HGSNAT: variants seen among roughly 807,000 people sequenced by gnomAD.
The protein encoded by HGSNAT is transmembrane protein 76.
HGSNAT carries 59 observed loss-of-function variants against 85.2 expected under a neutral mutation model. The observed-to-expected ratio is 0.69, with a 90% CI of 0.56 to 0.86. The LOEUF (loss-of-function observed/expected upper bound fraction) is 0.86, where lower values mean the gene tolerates loss of function less well. Among genes scored for constraint, HGSNAT ranks in the 40% least tolerant of loss-of-function variants. The probability of loss-of-function intolerance (pLI) is 0.00; values close to 1 mark genes in which losing one functional copy is unlikely to be tolerated. For synonymous variants in HGSNAT, 321 were observed against 304.5 expected, an observed-to-expected ratio of 1.05 and a Z score of -0.56; for missense variants, 756 against 777.1, an observed-to-expected ratio of 0.97 and a Z score of 0.32.
intron 14 of HGSNAT, chr8:43,194,254 C>T: frequency 1.9e-6 from 1 of 525,018 alleles, no homozygotes; most frequent in Non-Finnish European, 2.5e-6. Context: ...AAAATATTAG[C>T]CAGGCATGAT....
intron 1 of HGSNAT, among the ~76,000 whole-genome samples, chr8:43,141,164 T>G (rs1332134944): frequency 6.6e-6 from 1 of 152,148 alleles, no homozygotes; most frequent in Non-Finnish European, 1.5e-5. Flanking sequence ...GGGTTGAACC[T>G]GCGTGGATGT....
At chr8:43,148,808 A>G (rs986574035) in intron 2 of HGSNAT, among the ~76,000 whole-genome samples, 9 of 151,420 alleles carry the variant, frequency 5.9e-5, no homozygotes, top group African/African-American at 1.9e-4. Flanking sequence ...AAAAAAAAAA[A>G]AAAGAAAGAA....
At chr8:43,157,940 G>A (rs1010883386) in intron 2 of HGSNAT, among the ~76,000 whole-genome samples, 4 of 152,048 alleles carry the variant, frequency 2.6e-5, no homozygotes, top group Non-Finnish European at 4.4e-5. Context: ...CATATATTAA[G>A]TTACAAATAT....
intron 14 of HGSNAT, chr8:43,196,643 G>A: frequency 1.3e-6 from 1 of 762,732 alleles, no homozygotes; most frequent in Non-Finnish European, 2.0e-6. Flanking sequence ...TGTGCCTGCT[G>A]CCCCATTCTG....
intron 11 of HGSNAT, among the ~76,000 whole-genome samples, chr8:43,185,575 A>T (rs1804278427): frequency 6.6e-6 from 1 of 152,244 alleles, no homozygotes; most frequent in South Asian, 2.1e-4. Flanking sequence ...CAATCATGTC[A>T]TCTGCAAACA....
intron 6 of HGSNAT, among the ~76,000 whole-genome samples, chr8:43,170,209 C>T (rs144926052): frequency 7.6e-4 from 116 of 152,260 alleles, no homozygotes; most frequent in African/African-American, 2.4e-3. Flanking sequence ...ATGCCGGTTG[C>T]GGTGACTCAC....
intron 10 of HGSNAT, among the ~76,000 whole-genome samples, chr8:43,179,656 G>T (rs1230715409): frequency 6.3e-5 from 1 of 15,780 alleles, no homozygotes; most frequent in Non-Finnish European, 1.3e-4. Context: ...CTGGCCAGGC[G>T]GGGGGCTGAT....
At position 43,197,923 on chromosome 8, in the gene HGSNAT, T is replaced by G; in HGVS notation, c.1697T>G (p.Leu566Arg). Reference sequence around the variant, plus strand: ...TACCCAGTTGTGGATGTGAAGGGGCTGTGGACAGGAACCCCATTCTTTTAT... The same window carrying G: ...TACCCAGTTGTGGATGTGAAGGGGCGGTGGACAGGAACCCCATTCTTTTAT... ...VLYPVVDVKG[L>R]WTGTPFFYPG... Residue 566 changes from leucine (L) to arginine (R), a missense_variant, in exon 17 of 18, where the codon CTG (leucine) becomes CGG (arginine). Leu to Arg is a moderately radical substitution (Grantham distance 102). Coordinates refer to ENST00000379644, the MANE Select transcript of HGSNAT (RefSeq NM_152419.3). The G allele has an allele frequency of 6.2e-7, 1 of 1,613,852 alleles. No individual in the cohort carries two copies. The highest frequency in any genetic ancestry group is 8.5e-7 in the Non-Finnish European group (1 of 1,179,764).
intron 10 of HGSNAT, chr8:43,180,318 A>T (rs1284987144): frequency 1.3e-5 from 2 of 153,420 alleles, no homozygotes; most frequent in African/African-American, 5.4e-5. Flanking sequence ...TGCCGGACGG[A>T]GGGGCTCCTC....
chr8:43,197,368 AGTTGCAAG>A, intron 15 of HGSNAT: 1 of 533,074 alleles, frequency 1.9e-6, no homozygotes. Context: ...TGGGAAAGAG[AGTTGCAAG>A]GTTGACTGTT....
intron 2 of HGSNAT, among the ~76,000 whole-genome samples, chr8:43,149,876 C>T (rs990173827): frequency 7.2e-5 from 11 of 152,104 alleles, no homozygotes; most frequent in African/African-American, 2.7e-4. Flanking sequence ...CCCAAGAGAT[C>T]AGTTACTAGC....
At chr8:43,191,439 G>A in intron 11 of HGSNAT, 35 bp from the exon 12 acceptor site, 1 of 1,603,442 alleles carries the variant, frequency 6.2e-7, no homozygotes, top group Admixed American at 1.7e-5. Flanking sequence ...TTTGCATTTA[G>A]TTCACCCGTG....
chr8:43,152,164 G>A (rs747232499), intron 2 of HGSNAT, among the ~76,000 whole-genome samples: 8 of 152,188 alleles, frequency 5.3e-5, no homozygotes, highest in East Asian at 3.9e-4. Context: ...GGTGGTGGGC[G>A]CTTGTAGTAC....
intron 11 of HGSNAT, 179 bp downstream of exon 11, chr8:43,182,439 G>C: frequency 1.5e-6 from 1 of 659,144 alleles, no homozygotes; most frequent in Non-Finnish European, 2.7e-6. Flanking sequence ...TGCCTGGCCA[G>C]AAACTGTGTT....
At chr8:43,181,871 T>C in intron 10 of HGSNAT, 1 of 462,480 alleles carries the variant, frequency 2.2e-6, no homozygotes. Flanking sequence ...ACGCTTTGGT[T>C]CTTATCCCAG....
At position 43,158,599 on chromosome 8, in the gene HGSNAT, G is replaced by T. The variant is rs374287774; in HGVS notation, c.259G>T (p.Val87Phe). 1 of 1,613,868 alleles carries T rather than the reference G, an allele frequency of 6.2e-7. No homozygotes were observed. The change falls in exon 3 of 18, where the codon GTT (valine) becomes TTT (phenylalanine). Residue 87 changes from valine to phenylalanine, a missense_variant. By Grantham distance (50) the Val-to-Phe change is conservative (BLOSUM62 -1). Coordinates refer to ENST00000379644, the MANE Select transcript of HGSNAT (RefSeq NM_152419.3). ...GTGCTTGTTTCAGGTTCTGGTAAAC[G>T]TTCCTCAGAGTCCAAAAGCAGGGAA... ...YHCLFQVLVNVPQSPKAGKPS... is the reference protein window; with the variant it reads ...YHCLFQVLVNFPQSPKAGKPS...
intron 11 of HGSNAT, among the ~76,000 whole-genome samples, chr8:43,186,644 G>C (rs1413128434): frequency 6.6e-6 from 1 of 152,046 alleles, no homozygotes; most frequent in Non-Finnish European, 1.5e-5. Context: ...ATCTCCTTCA[G>C]TTCTGCTCTG....
At chr8:43,160,270 GAGA>G in intron 4 of HGSNAT, among the ~76,000 whole-genome samples, 1 of 152,304 alleles carries the variant, frequency 6.6e-6, no homozygotes, top group East Asian at 1.9e-4. Context: ...AAATTCTGTG[GAGA>G]AGAATTCCAG....
intron 2 of HGSNAT, among the ~76,000 whole-genome samples, chr8:43,156,012 G>A (rs1409099461): frequency 1.3e-5 from 2 of 151,220 alleles, no homozygotes; most frequent in African/African-American, 4.9e-5. Context: ...GGCTAATTTT[G>A]TATTTTTAGT....
Sources: allele counts gnomAD v4.1 joint callset (sites outside exome capture counted in the v4.1 genomes callset), GRCh38; gene constraint gnomAD v4.1.1; transcripts MANE v1.5; gene names NCBI Gene and HGNC (gene_info 2026-07-23, HGNC 2026-07-21).